Variants in KLHL20 observed in about 807,000 individuals in gnomAD.
KLHL20 encodes kelch-like protein 20.
A neutral mutation model predicts 69.5 loss-of-function variants in KLHL20; 29 were observed. That is an observed-to-expected ratio of 0.42 (90% confidence interval 0.31 to 0.57). KLHL20 has a LOEUF of 0.57. Among genes scored for constraint, KLHL20 ranks in the 20% least tolerant of loss-of-function variants. The pLI, the probability that KLHL20 is intolerant of heterozygous loss-of-function variation, is 0.18. For missense variants in KLHL20, 419 were observed against 776.0 expected (o/e 0.54, Z 5.47); for synonymous variants, 253 against 265.2 (o/e 0.95, Z 0.45).
rs1647692719 is a variant in KLHL20 at position 173,766,143 on chromosome 1, C to T, written c.1152-3C>T. ...AACTCTCCTCTTGGTATGTTCTTTTCAGGTATGACCCCAAAACAAACCAGT... is the reference window on the plus strand; with the variant it reads ...AACTCTCCTCTTGGTATGTTCTTTTTAGGTATGACCCCAAAACAAACCAGT... On this transcript the variant is annotated splice_polypyrimidine_tract_variant and splice_region_variant and intron_variant, in intron 7 of 11. Transcript: ENST00000209884. 1 of 1,588,950 alleles carries T rather than the reference C, an allele frequency of 6.3e-7. No individual in the cohort carries two copies. The highest frequency in any genetic ancestry group is 1.4e-5 in the African/African-American group (1 of 72,838).
At chr1:173,761,720 T>C (rs2102513642) in intron 7 of KLHL20, among the ~76,000 whole-genome samples, 3 of 152,282 alleles carry the variant, frequency 2.0e-5, no homozygotes, top group Middle Eastern at 3.4e-3. Flanking sequence ...TCAAAACCTC[T>C]GGGATACACA....
At chr1:173,733,665 C>A in intron 2 of KLHL20, 48 bp from the exon 3 acceptor site, 2 of 1,364,324 alleles carry the variant, frequency 1.5e-6, no homozygotes, top group Non-Finnish European at 2.0e-6. Context: ...GAGAAAAGAG[C>A]TTATAATAAT....
intron 2 of KLHL20, among the ~76,000 whole-genome samples, chr1:173,719,542 C>A (rs1220106434): frequency 6.6e-6 from 1 of 152,070 alleles, no homozygotes; most frequent in Non-Finnish European, 1.5e-5. Flanking sequence ...TCACTTGAAC[C>A]CAGCAGGTGG....
chr1:173,786,445 A>AT lies in KLHL20; in HGVS notation c.*1205dup, dbSNP rs1187618609. The AT allele has an allele frequency of 1.3e-5, 2 of 152,500 alleles. No homozygotes were observed. The highest frequency in any genetic ancestry group is 2.9e-5 in the Non-Finnish European group (2 of 68,004). 9.4% of individuals were successfully genotyped at this position (152,500 alleles called of 1,614,324 possible). ...TTTTCCTCATTGTATTCATAGACAAATTTTTTTCAATATATTTTGCAAGAA... is the reference window on the plus strand; with the variant it reads ...TTTTCCTCATTGTATTCATAGACAAATTTTTTTTCAATATATTTTGCAAGAA... On this transcript the variant is annotated 3_prime_UTR_variant, in exon 12 of 12. Coordinates refer to ENST00000209884, the MANE Select transcript of KLHL20 (RefSeq NM_014458.4).
chr1:173,728,082 G>T (rs1672066812), intron 2 of KLHL20, among the ~76,000 whole-genome samples: 1 of 151,918 alleles, frequency 6.6e-6, no homozygotes, highest in South Asian at 2.1e-4. Context: ...GAAAACAAAG[G>T]CAGGGGTTGC....
In KLHL20 at chr1:173,753,261, G is replaced by A. The variant is rs1160556814; in HGVS notation, c.805G>A (p.Gly269Ser). The A allele has an allele frequency of 3.7e-6, 6 of 1,614,038 alleles. No homozygotes were observed. The highest frequency in any genetic ancestry group is 4.2e-6 in the Non-Finnish European group (5 of 1,179,968). ...LPLLSPKFLV[G>S]TVGSDPLIKS... ...TTTGCTTAGTCCCAAGTTCCTGGTC[G>A]GCACAGTAGGCTCTGATCCCCTCAT... The change falls in exon 5 of 12, where the codon GGC becomes AGC. Residue 269 changes from glycine (G) to serine (S), a missense_variant. Around this residue, in one of 6 missense-constraint regions of KLHL20, gnomAD observed 99 missense variants for 240.7 expected, o/e 0.41. Coordinates refer to ENST00000209884, the MANE Select transcript of KLHL20 (RefSeq NM_014458.4).
chr1:173,716,686 T>G (rs1671481149), intron 2 of KLHL20, among the ~76,000 whole-genome samples: 1 of 152,190 alleles, frequency 6.6e-6, no homozygotes, highest in Non-Finnish European at 1.5e-5. Context: ...ACTAGAATCT[T>G]TATGATACAA....
chr1:173,716,063 G>T lies in KLHL20; in HGVS notation c.20G>T (p.Arg7Leu). Residue 7 changes from arginine (R) to leucine (L), a missense_variant, in exon 2 of 12, where the codon CGC becomes CTC. By Grantham distance (102) the Arg-to-Leu change is moderately radical (BLOSUM62 -2). Coordinates refer to ENST00000209884, the MANE Select transcript of KLHL20 (RefSeq NM_014458.4). ...TGGTGCATGGAAGGAAAGCCAATGC[G>T]CAGGTAGGCATTTAGGAAGAAAACC... MEGKPM[R>L]RCTNIRPGET... is the part of the protein sequence containing the mutation. 1 of 1,613,522 alleles carries T rather than the reference G, an allele frequency of 6.2e-7. No individual in the cohort carries two copies. The highest frequency in any genetic ancestry group is 8.5e-7 in the Non-Finnish European group (1 of 1,179,632).
intron 7 of KLHL20, among the ~76,000 whole-genome samples, chr1:173,764,398 C>A (rs1647540045): frequency 6.6e-6 from 1 of 151,142 alleles, no homozygotes; most frequent in African/African-American, 2.5e-5. Context: ...GAAAAGAAGT[C>A]ATTAATCGAA....
At chr1:173,765,985 TAAA>T (rs1232585197) in intron 7 of KLHL20, among the ~76,000 whole-genome samples, 158 bp from the exon 8 acceptor site, 1 of 151,998 alleles carries the variant, frequency 6.6e-6, no homozygotes, top group East Asian at 1.9e-4. Flanking sequence ...TTTCAAAAAA[TAAA>T]AACACAAACC....
At chr1:173,743,680 G>C (rs930203817) in intron 3 of KLHL20, among the ~76,000 whole-genome samples, 2 of 151,898 alleles carry the variant, frequency 1.3e-5, no homozygotes, top group Non-Finnish European at 2.9e-5. Flanking sequence ...TTATTATTTT[G>C]ATGCATGGTA....
intron 7 of KLHL20, among the ~76,000 whole-genome samples, chr1:173,764,359 T>G (rs1341727868): frequency 6.6e-6 from 1 of 152,142 alleles, no homozygotes; most frequent in Non-Finnish European, 1.5e-5. Flanking sequence ...TTTGATCCAG[T>G]AATCCCACTA....
At chr1:173,756,132 G>A (rs1673537156) in intron 6 of KLHL20, 94 bp downstream of exon 6, 1 of 830,700 alleles carries the variant, frequency 1.2e-6, no homozygotes, top group African/African-American at 1.7e-5. Flanking sequence ...GATATTTACT[G>A]TCATAAGACA....
At chr1:173,779,313 A>G (rs1253272100) in intron 10 of KLHL20, among the ~76,000 whole-genome samples, 2 of 150,446 alleles carry the variant, frequency 1.3e-5, no homozygotes, top group African/African-American at 2.4e-5. Flanking sequence ...TTATGTCGTC[A>G]TATCTTTAAT....
chr1:173,771,365 C>T (rs1026886313), intron 8 of KLHL20, among the ~76,000 whole-genome samples: 8 of 152,164 alleles, frequency 5.3e-5, no homozygotes, highest in East Asian at 1.9e-4. Context: ...GATCATACCA[C>T]TGCACTTTAG....
chr1:173,750,493 T>C (rs1005419176), intron 3 of KLHL20, among the ~76,000 whole-genome samples: 3 of 151,594 alleles, frequency 2.0e-5, no homozygotes, highest in Admixed American at 6.6e-5. Flanking sequence ...TTTTTCTTTT[T>C]TTTTTTTTTT....
At chr1:173,747,113 A>G (rs1416578983) in intron 3 of KLHL20, among the ~76,000 whole-genome samples, 1 of 151,992 alleles carries the variant, frequency 6.6e-6, no homozygotes, top group Admixed American at 6.6e-5. Flanking sequence ...GTAACCTAAT[A>G]TATGATCAAT....
intron 3 of KLHL20, among the ~76,000 whole-genome samples, chr1:173,734,882 T>C (rs1396306886): frequency 6.6e-6 from 1 of 152,228 alleles, no homozygotes; most frequent in Non-Finnish European, 1.5e-5. Context: ...AAGATAATCA[T>C]TAAATGCTTA....
chr1:173,767,439 T>G (rs1363445115), intron 8 of KLHL20, among the ~76,000 whole-genome samples: 1 of 152,216 alleles, frequency 6.6e-6, no homozygotes, highest in African/African-American at 2.4e-5. Flanking sequence ...ATAGTTCTAT[T>G]TTTAATTTTT....
Sources: gnomAD v4.1 joint callset for allele counts (sites outside exome capture counted in the v4.1 genomes callset) on GRCh38, gnomAD v4.1.1 for gene constraint, gnomAD v4.1.1 regional missense constraint, MANE v1.5 for transcripts, NCBI Gene and HGNC (gene_info 2026-07-23, HGNC 2026-07-21) for gene names.